MAT1A: variants seen among roughly 807,000 people sequenced by gnomAD.
The protein encoded by MAT1A is S-adenosylmethionine synthase isoform type-1.
MAT1A carries 19 observed loss-of-function variants against 44.0 expected under a neutral mutation model. That is an observed-to-expected ratio of 0.43 (90% CI 0.30 to 0.63). The LOEUF is 0.63. Among genes scored for constraint, MAT1A ranks in the 30% least tolerant of loss-of-function variants. The probability of loss-of-function intolerance (pLI) is 0.12; values close to 1 mark genes in which losing one functional copy is unlikely to be tolerated. For missense variants in MAT1A, 397 were observed against 531.0 expected (o/e 0.75, Z 2.48); for synonymous variants, 205 against 205.6 (o/e 1.00, Z 0.03).
Position 80,280,695 on chromosome 10 carries a change from C to G in MAT1A, c.390G>C (p.Val130=), listed in dbSNP as rs746334314. Reference sequence around the variant, plus strand: ...GCCGAGCTACCTGATCTCCTGCCCCCACATCCTCCTCATTTCTGTCCAGAT... The same window carrying G: ...GCCGAGCTACCTGATCTCCTGCCCCGACATCCTCCTCATTTCTGTCCAGAT... The part of the protein sequence containing the change: ...CVHLDRNEED[V]GAGDQGLMFG... The change falls in exon 4 of 9, where the codon GTG becomes GTC. Residue 130 remains valine, a synonymous_variant. Transcript: ENST00000372213. 3 of 1,614,130 alleles carry G rather than the reference C, an allele frequency of 1.9e-6. No individual in the cohort carries two copies. The highest frequency in any genetic ancestry group is 1.7e-6 in the Non-Finnish European group (2 of 1,179,958).
chr10:80,279,308 G>A (rs994746688), intron 5 of MAT1A, among the ~76,000 whole-genome samples: 45 of 152,242 alleles, frequency 3.0e-4, no homozygotes, highest in African/African-American at 9.9e-4. Context: ...GGTAGGTGGA[G>A]AGAGATGGCG....
At chr10:80,279,188 T>C (rs1841527752) in intron 5 of MAT1A, among the ~76,000 whole-genome samples, 1 of 151,922 alleles carries the variant, frequency 6.6e-6, no homozygotes, top group South Asian at 2.1e-4. Context: ...AAGCAGGGAG[T>C]ACCTTTGGAA....
chr10:80,286,944 G>A (rs1245875246), intron 1 of MAT1A, among the ~76,000 whole-genome samples: 1 of 152,174 alleles, frequency 6.6e-6, no homozygotes, highest in Admixed American at 6.5e-5. Flanking sequence ...TTGTTTGTTT[G>A]TTTGTTTGTT....
chr10:80,283,907 T>C lies in MAT1A; in HGVS notation c.292+9A>G. The C allele has an allele frequency of 6.2e-7, 1 of 1,613,922 alleles. No individual in the cohort carries two copies. ...AACAGGGATTTCAGACCCGGAGGCC[T>C]GCCCTCACCCTTGGCTGAGTCATCG... On this transcript the variant is annotated intron_variant, in intron 3 of 8. Transcript: ENST00000372213.
At chr10:80,288,082 G>A (rs1037080722) in intron 1 of MAT1A, among the ~76,000 whole-genome samples, 1 of 152,200 alleles carries the variant, frequency 6.6e-6, no homozygotes, top group Non-Finnish European at 1.5e-5. Flanking sequence ...TAAAGTATAT[G>A]GAAGGAGTAG....
intron 1 of MAT1A, among the ~76,000 whole-genome samples, chr10:80,286,501 C>CA (rs1841652740): frequency 6.6e-6 from 1 of 152,158 alleles, no homozygotes; most frequent in Non-Finnish European, 1.5e-5. Context: ...CTCAGCCTCC[C>CA]GAAAGCCAGG....
chr10:80,274,247 T>C (rs1841449424), intron 8 of MAT1A, among the ~76,000 whole-genome samples: 1 of 152,172 alleles, frequency 6.6e-6, no homozygotes, highest in Non-Finnish European at 1.5e-5. Context: ...TTAATAATTA[T>C]TTTCCTAAGA....
intron 1 of MAT1A, among the ~76,000 whole-genome samples, chr10:80,288,183 C>CT (rs1383589223): frequency 6.6e-6 from 1 of 152,184 alleles, no homozygotes; most frequent in Admixed American, 6.5e-5. Flanking sequence ...AAAAGGCAGA[C>CT]TTGGCAATAA....
At chr10:80,282,644 A>T (rs966908984) in intron 3 of MAT1A, among the ~76,000 whole-genome samples, 3 of 152,178 alleles carry the variant, frequency 2.0e-5, no homozygotes, top group African/African-American at 7.2e-5. Context: ...TGTCCCGACC[A>T]GGAGAATTAA....
intron 1 of MAT1A, among the ~76,000 whole-genome samples, chr10:80,285,874 G>A (rs1228187235): frequency 6.7e-6 from 1 of 150,228 alleles, no homozygotes; most frequent in Non-Finnish European, 1.5e-5. Context: ...CACCCAGGCT[G>A]GAGTGCAGTG....
chr10:80,285,361 A>C (rs1841634898), intron 2 of MAT1A, 151 bp downstream of exon 2: 1 of 696,470 alleles, frequency 1.4e-6, no homozygotes, highest in Admixed American at 2.2e-5. Context: ...GTTACTACAC[A>C]GGGGAGGTCT....
chr10:80,274,641 T>C lies in MAT1A; in HGVS notation c.964A>G (p.Ile322Val), dbSNP rs1057517759. 1.2e-6 allele frequency: 2 copies of C among 1,614,026 alleles called. No individual in the cohort carries two copies. The highest frequency in any genetic ancestry group is 2.2e-5 in the East Asian group (1 of 44,894). Residue 322 changes from isoleucine (I) to valine (V), a missense_variant, in exon 8 of 9, where the codon ATT becomes GTT. Physicochemically the swap from Ile to Val is conservative, Grantham distance 29. Transcript: ENST00000372213. The part of the protein sequence containing the change: ...RRVLVQVSYA[I>V]GVAEPLSISI... The stretch of plus-strand genomic sequence containing the variant: ...ATGGACAGCGGCTCGGCCACACCAA[T>C]GGCATAGGAAACCTTCCAGCAAGGT...
intron 1 of MAT1A, among the ~76,000 whole-genome samples, chr10:80,287,805 T>C (rs1425377809): frequency 2.6e-5 from 4 of 152,238 alleles, no homozygotes; most frequent in African/African-American, 7.2e-5. Context: ...GCTATTTACA[T>C]TGAACTGAGC....
At chr10:80,286,009 A>G (rs186409676) in intron 1 of MAT1A, among the ~76,000 whole-genome samples, 2 of 151,970 alleles carry the variant, frequency 1.3e-5, no homozygotes, top group Non-Finnish European at 2.9e-5. Context: ...TTGTATTTTC[A>G]GTAGAGATGG....
chr10:80,280,689 T>C lies in MAT1A; in HGVS notation c.396A>G (p.Ala132=). 6.2e-7 allele frequency: 1 copy of C among 1,613,892 alleles called. No homozygotes were observed. Among genetic ancestry groups the C allele is most frequent in the Non-Finnish European group, 8.5e-7 (1 of 1,179,768 alleles). ...HLDRNEEDVG[A]GDQGLMFGYA... ...TGCAGTGCCGAGCTACCTGATCTCC[T>C]GCCCCCACATCCTCCTCATTTCTGT... Residue 132 remains alanine, a synonymous_variant, in exon 4 of 9, where the codon GCA becomes GCG. Coordinates refer to ENST00000372213, the MANE Select transcript of MAT1A (RefSeq NM_000429.3).
intron 5 of MAT1A, among the ~76,000 whole-genome samples, chr10:80,277,908 T>C (rs929602770): frequency 4.6e-5 from 7 of 152,206 alleles, no homozygotes; most frequent in African/African-American, 1.7e-4. Context: ...CACCCAGGCC[T>C]CACTATCAGC....
At chr10:80,283,289 C>A (rs2132707999) in intron 3 of MAT1A, among the ~76,000 whole-genome samples, 1 of 152,378 alleles carries the variant, frequency 6.6e-6, no homozygotes, top group Non-Finnish European at 1.5e-5. Flanking sequence ...ATGTTGGAAT[C>A]TGCTTCAAAG....
intron 1 of MAT1A, among the ~76,000 whole-genome samples, chr10:80,287,764 A>G (rs1397035585): frequency 6.6e-6 from 1 of 152,206 alleles, no homozygotes; most frequent in African/African-American, 2.4e-5. Context: ...GTAAACCTAG[A>G]TACTTTATAC....
intron 4 of MAT1A, 98 bp from the exon 5 acceptor site, chr10:80,280,414 G>A (rs1841550180): frequency 1.4e-6 from 2 of 1,455,452 alleles, no homozygotes; most frequent in Non-Finnish European, 1.9e-6. Flanking sequence ...CACGTTGATT[G>A]GGTGCCTCCT....
Sources: gnomAD v4.1 joint callset for allele counts (sites outside exome capture counted in the v4.1 genomes callset) on GRCh38, gnomAD v4.1.1 for gene constraint, MANE v1.5 for transcripts, NCBI Gene and HGNC (gene_info 2026-07-23, HGNC 2026-07-21) for gene names.